The following APPBP2 variants were observed in gnomAD, a reference collection of about 807,000 sequenced individuals.
APPBP2 encodes amyloid beta precursor protein binding protein 2.
In APPBP2, 15 loss-of-function variants were observed where a neutral mutation model predicts 76.0. The observed-to-expected ratio is 0.20, with a 90% confidence interval of 0.13 to 0.30. The LOEUF (loss-of-function observed/expected upper bound fraction) is 0.30, where lower values mean the gene tolerates loss of function less well. APPBP2 is among the 10% of genes least tolerant of loss of function. The pLI is 1.00. For synonymous variants in APPBP2, 222 were observed against 242.2 expected (o/e 0.92, Z 0.77); for missense variants, 401 against 687.2 (o/e 0.58, Z 4.66).
intron 6 of APPBP2, 88 bp from the exon 7 acceptor site, chr17:60,462,149 TTAA>T (rs1438611978): frequency 9.7e-7 from 1 of 1,030,468 alleles, no homozygotes; most frequent in African/African-American, 1.6e-5. Context: ...GCTATAAGAG[TTAA>T]TAAGAAAAAA....
chr17:60,513,221 C>A (rs745443864), intron 1 of APPBP2: 64 of 388,518 alleles, frequency 1.6e-4, no homozygotes, highest in Non-Finnish European at 2.7e-4. Flanking sequence ...GAGCATTCGA[C>A]TTCCACCTGA....
Position 60,461,927 on chromosome 17 carries a change from C to T in APPBP2, c.831-12G>A. On this transcript the variant is annotated splice_polypyrimidine_tract_variant and intron_variant, in intron 7 of 12. Transcript: ENST00000083182. ...ATCCAAAATGATCCCTATAAAAAGA[C>T]ACAAAATTATTAGGATATAAAGTAT... The T allele has an allele frequency of 6.2e-7, 1 of 1,609,292 alleles. No individual in the cohort carries two copies. Among genetic ancestry groups the T allele is most frequent in the Non-Finnish European group, 8.5e-7 (1 of 1,176,498 alleles).
intron 2 of APPBP2, among the ~76,000 whole-genome samples, 178 bp downstream of exon 2, chr17:60,500,221 A>T (rs1006197319): frequency 6.6e-6 from 1 of 152,136 alleles, no homozygotes; most frequent in African/African-American, 2.4e-5. Flanking sequence ...CACGTTAGCC[A>T]GGAAGGTCTC....
At chr17:60,452,408 C>G (rs895988670) in intron 11 of APPBP2, among the ~76,000 whole-genome samples, 2 of 152,174 alleles carry the variant, frequency 1.3e-5, no homozygotes, top group Non-Finnish European at 2.9e-5. Context: ...TTGGTTAACA[C>G]AGTTAACACA....
rs190767911 is a variant in APPBP2, at chr17:60,451,716, T to C, written c.1504+164A>G. ...CTGGTCTCGAACTCCTGACCTCAAG[T>C]GATCTGCCTATCTCGGCCTCCCAAA... On this transcript the variant is annotated intron_variant, in intron 12 of 12. Coordinates refer to ENST00000083182, the MANE Select transcript of APPBP2 (RefSeq NM_006380.5). Among the ~76,000 whole-genome samples, 896 of 152,236 alleles carry C rather than the reference T, an allele frequency of 5.9e-3. 6 individuals are homozygous for C. The highest frequency in any genetic ancestry group is 0.024 in the Middle Eastern group (7 of 294).
At chr17:60,462,702 GC>G (rs2090483936) in intron 6 of APPBP2, 1 of 152,178 alleles carries the variant, frequency 6.6e-6, no homozygotes. Context: ...TGTAATCCCA[GC>G]ACTTTGGGAG....
At chr17:60,491,392 G>C (rs890427089) in intron 3 of APPBP2, among the ~76,000 whole-genome samples, 1 of 152,116 alleles carries the variant, frequency 6.6e-6, no homozygotes, top group African/African-American at 2.4e-5. Flanking sequence ...CTGGAGTGCT[G>C]TTAAAAGCAT....
At chr17:60,467,708 G>C (rs542642442) in intron 4 of APPBP2, among the ~76,000 whole-genome samples, 1 of 152,158 alleles carries the variant, frequency 6.6e-6, no homozygotes, top group Non-Finnish European at 1.5e-5. Flanking sequence ...GGGTAGACAG[G>C]GAAGAATCCT....
Position 60,466,284 on chromosome 17 carries a change from C to T in APPBP2, c.672+7G>A. 6.2e-7 allele frequency: 1 copy of T among 1,612,112 alleles called. No individual in the cohort carries two copies. The highest frequency in any genetic ancestry group is 8.5e-7 in the Non-Finnish European group (1 of 1,178,898). ...GGTCACAGTGAAATGTACCTTAAAACACTTACCTCATCATAGTGACTTTTT... is the reference window on the plus strand; with the variant it reads ...GGTCACAGTGAAATGTACCTTAAAATACTTACCTCATCATAGTGACTTTTT... On this transcript the variant is annotated splice_region_variant and intron_variant, in intron 5 of 12. Coordinates refer to ENST00000083182, the MANE Select transcript of APPBP2 (RefSeq NM_006380.5).
rs2090320257 is a variant in APPBP2 at position 60,443,580 on chromosome 17, G to C, written c.*4001C>G. The stretch of plus-strand genomic sequence containing the variant: ...ATAAAAGTAGAACTGAAAAGTTTTA[G>C]TTACCATGGCAAAATATCTTCCCAT... On this transcript the variant is annotated 3_prime_UTR_variant, in exon 13 of 13. Transcript: ENST00000083182. The C allele has an allele frequency of 6.6e-6, 1 of 152,558 alleles. No homozygotes were observed. Among genetic ancestry groups the C allele is most frequent in the Admixed American group, 6.6e-5 (1 of 15,260 alleles). The allele number at this position is 152,558 out of a possible 1,614,324, so 9.5% of individuals were successfully genotyped here. A position where few individuals can be genotyped will look rare whatever the true frequency, so the allele number is the denominator to read the frequency against.
chr17:60,472,611 T>C (rs977682710), intron 4 of APPBP2, among the ~76,000 whole-genome samples: 1 of 152,200 alleles, frequency 6.6e-6, no homozygotes, highest in Non-Finnish European at 1.5e-5. Context: ...TGTGAGAGTG[T>C]TTCTTCTGCT....
At chr17:60,471,798 T>C (rs60435273) in intron 4 of APPBP2, among the ~76,000 whole-genome samples, 11,939 of 152,260 alleles carry the variant, frequency 0.078, 1,585 homozygotes, top group African/African-American at 0.27. Flanking sequence ...ATGTCATTTT[T>C]GGTCTTTGGT....
At chr17:60,517,787 A>ACAAGTT (rs2090974912) in intron 1 of APPBP2, among the ~76,000 whole-genome samples, 1 of 152,210 alleles carries the variant, frequency 6.6e-6, no homozygotes, top group African/African-American at 2.4e-5. Context: ...TAGCCAGGTA[A>ACAAGTT]CAAGTTGAAT....
chr17:60,464,655 T>A (rs751718749), intron 5 of APPBP2: 3 of 152,464 alleles, frequency 2.0e-5, no homozygotes, highest in Non-Finnish European at 4.4e-5. Context: ...AGAGGTTAAG[T>A]GGCAGGTAAT....
Position 60,446,784 on chromosome 17 carries a change from T to C in APPBP2, c.*797A>G, listed in dbSNP as rs138637094. On this transcript the variant is annotated 3_prime_UTR_variant, in exon 13 of 13. Transcript: ENST00000083182. ...CATCTAAATGAAATCATTCTACTGA[T>C]AAAAGTATATGTAGGATCTAAAATA... 30 of 152,322 alleles carry C rather than the reference T, an allele frequency of 2.0e-4. No individual in the cohort carries two copies. The highest frequency in any genetic ancestry group is 7.2e-4 in the African/African-American group (30 of 41,568). 9.4% of individuals were successfully genotyped at this position (152,322 alleles called of 1,614,324 possible). A position where few individuals can be genotyped will look rare whatever the true frequency, so the allele number is the denominator to read the frequency against.
At chr17:60,505,436 C>T (rs1598370623) in intron 1 of APPBP2, among the ~76,000 whole-genome samples, 2 of 152,226 alleles carry the variant, frequency 1.3e-5, no homozygotes, top group East Asian at 3.8e-4. Context: ...CTGCCTCAGC[C>T]TCCAGAGTAG....
intron 1 of APPBP2, among the ~76,000 whole-genome samples, chr17:60,511,257 T>G (rs1459484927): frequency 6.6e-6 from 1 of 152,146 alleles, no homozygotes; most frequent in East Asian, 1.9e-4. Context: ...CGGAAGTGTT[T>G]CCATGAGACA....
chr17:60,493,340 A>G (rs750397657), intron 3 of APPBP2, among the ~76,000 whole-genome samples: 8 of 152,168 alleles, frequency 5.3e-5, no homozygotes, highest in Non-Finnish European at 1.2e-4. Flanking sequence ...CAAAATAAAC[A>G]AAAAAGGTAG....
rs1009852551 is a variant in APPBP2 at position 60,482,583 on chromosome 17, C to G, written c.380-3312G>C. Among the ~76,000 whole-genome samples, 7 of 152,188 alleles carry G rather than the reference C, an allele frequency of 4.6e-5. No homozygotes were observed. In the East Asian group the frequency reaches 7.7e-4, roughly 17 times the overall value. On this transcript the variant is annotated intron_variant, in intron 3 of 12. Coordinates refer to ENST00000083182, the MANE Select transcript of APPBP2 (RefSeq NM_006380.5). Reference sequence around the variant, plus strand: ...ATTTCTCCTAACGCTATCCCTCCCCCAGACCGCCACCCCACAACAGGCCCT... The same window carrying G: ...ATTTCTCCTAACGCTATCCCTCCCCGAGACCGCCACCCCACAACAGGCCCT...
Sources: gnomAD v4.1 joint callset for allele counts (sites outside exome capture counted in the v4.1 genomes callset) on GRCh38, gnomAD v4.1.1 for gene constraint, MANE v1.5 for transcripts, NCBI Gene and HGNC (gene_info 2026-07-23, HGNC 2026-07-21) for gene names.